Variants in PARP15 observed in about 807,000 individuals in gnomAD.
PARP15 encodes the protein poly(ADP-ribose) polymerase family member 15, also known as protein mono-ADP-ribosyltransferase PARP15.
Under a neutral mutation model 62.1 loss-of-function variants are expected in PARP15, and 50 were observed. The ratio of observed to expected loss-of-function variants is 0.81; its 90% confidence interval spans 0.64 to 1.02. The LOEUF (loss-of-function observed/expected upper bound fraction) is 1.02. Ranked by LOEUF, PARP15 falls within the 50% of genes least tolerant of loss-of-function variation. The pLI is 0.00. For missense variants in PARP15, 820 were observed against 826.5 expected (o/e 0.99, Z 0.10); for synonymous variants, 309 against 293.1 (o/e 1.05, Z -0.55).
At chr3:122,609,034 G>A (rs1935377347) in intron 2 of PARP15, among the ~76,000 whole-genome samples, 1 of 152,106 alleles carries the variant, frequency 6.6e-6, no homozygotes, top group Admixed American at 6.5e-5. Context: ...GATTACAGGA[G>A]TAAACCACTA....
Position 122,626,965 on chromosome 3 carries a change from A to G in PARP15, c.1370A>G (p.Tyr457Cys). ...IFQPELLNIFYDSMKKRDLSA... is the reference protein window; with the variant it reads ...IFQPELLNIFCDSMKKRDLSA... Reference sequence around the variant, plus strand: ...CAACCTGAGCTGCTAAATATATTCTACGACAGCATGAAAAAAAGAGACCTC... The same window carrying G: ...CAACCTGAGCTGCTAAATATATTCTGCGACAGCATGAAAAAAAGAGACCTC... Residue 457 changes from tyrosine (Y) to cysteine (C), a missense_variant, in exon 9 of 12, where the codon TAC becomes TGC. Tyr to Cys is a radical substitution (Grantham distance 194). Transcript: ENST00000464300. 6.2e-7 allele frequency: 1 copy of G among 1,614,014 alleles called. No individual in the cohort carries two copies. The highest frequency in any genetic ancestry group is 8.5e-7 in the Non-Finnish European group (1 of 1,179,986).
chr3:122,634,201 C>T (rs766257688), intron 10 of PARP15, among the ~76,000 whole-genome samples: 1 of 152,194 alleles, frequency 6.6e-6, no homozygotes, highest in Non-Finnish European at 1.5e-5. Flanking sequence ...CTTCCCCAGA[C>T]ACAGGTTATC....
intron 1 of PARP15, among the ~76,000 whole-genome samples, chr3:122,595,469 G>T (rs1462210453): frequency 6.6e-6 from 1 of 152,074 alleles, no homozygotes; most frequent in Non-Finnish European, 1.5e-5. Flanking sequence ...ACAATTGATG[G>T]CTCCTTCCTC....
At chr3:122,610,086 C>T (rs574256488) in intron 2 of PARP15, among the ~76,000 whole-genome samples, 1 of 152,330 alleles carries the variant, frequency 6.6e-6, no homozygotes, top group East Asian at 1.9e-4. Context: ...TTCTTTCTCC[C>T]TTCCCCTGTC....
intron 4 of PARP15, 85 bp downstream of exon 4, chr3:122,613,353 G>C: frequency 8.3e-7 from 1 of 1,205,276 alleles, no homozygotes; most frequent in Non-Finnish European, 1.2e-6. Flanking sequence ...GAATAACCGT[G>C]TTTTCTAATC....
intron 1 of PARP15, among the ~76,000 whole-genome samples, chr3:122,600,148 C>T (rs1934677554): frequency 6.6e-6 from 1 of 152,148 alleles, no homozygotes; most frequent in Non-Finnish European, 1.5e-5. Flanking sequence ...TTCATTTTCA[C>T]TGTCCTTCAT....
chr3:122,615,151 T>C, intron 4 of PARP15: 1 of 1,151,082 alleles, frequency 8.7e-7, no homozygotes, highest in Non-Finnish European at 1.1e-6. Flanking sequence ...CAAGTGAAAC[T>C]TTATAACTCT....
intron 1 of PARP15, among the ~76,000 whole-genome samples, chr3:122,601,937 CT>C (rs145845190): frequency 0.044 from 6,494 of 149,052 alleles, 421 homozygotes; most frequent in African/African-American, 0.15. Flanking sequence ...ATTTGGTGGC[CT>C]TTTTTTTTTC....
At chr3:122,625,255 T>G (rs1205663537) in intron 8 of PARP15, among the ~76,000 whole-genome samples, 2 of 152,128 alleles carry the variant, frequency 1.3e-5, no homozygotes, top group East Asian at 3.9e-4. Flanking sequence ...TTGTTTGTTT[T>G]TTTGTTGTTG....
At chr3:122,615,225 T>C (rs921611927) in intron 4 of PARP15, 6 of 1,277,918 alleles carry the variant, frequency 4.7e-6, no homozygotes, top group Non-Finnish European at 5.1e-6. Context: ...GTTTTTTCCA[T>C]TTCTAAACAA....
At chr3:122,594,921 G>A (rs1559935907) in intron 1 of PARP15, 1 of 932,124 alleles carries the variant, frequency 1.1e-6, no homozygotes, top group South Asian at 4.9e-5. Flanking sequence ...AAGAGAAAGA[G>A]TAACCAATGT....
chr3:122,611,973 CA>C (rs1216295784), intron 3 of PARP15, among the ~76,000 whole-genome samples: 5 of 152,076 alleles, frequency 3.3e-5, no homozygotes, highest in African/African-American at 1.2e-4. Flanking sequence ...TTCATCCTCC[CA>C]AAGTGCTGGG....
intron 8 of PARP15, among the ~76,000 whole-genome samples, chr3:122,624,760 T>C (rs920026079): frequency 1.3e-5 from 2 of 152,358 alleles, no homozygotes; most frequent in East Asian, 3.9e-4. Flanking sequence ...GCGTTAGGAA[T>C]CTAATTTTCA....
intron 1 of PARP15, among the ~76,000 whole-genome samples, chr3:122,603,875 T>G (rs1934984140): frequency 6.6e-6 from 1 of 152,064 alleles, no homozygotes; most frequent in Non-Finnish European, 1.5e-5. Flanking sequence ...CAGAAAAAAA[T>G]TGATATCCTT....
At chr3:122,632,281 T>C in intron 10 of PARP15, 62 bp downstream of exon 10, 1 of 1,476,600 alleles carries the variant, frequency 6.8e-7, no homozygotes, top group Non-Finnish European at 9.3e-7. Flanking sequence ...AAGCTATCTC[T>C]TTTTAAATAA....
At chr3:122,619,442 A>G (rs981354899) in intron 6 of PARP15, among the ~76,000 whole-genome samples, 2 of 152,250 alleles carry the variant, frequency 1.3e-5, no homozygotes, top group African/African-American at 4.8e-5. Context: ...GCTTCTCAGT[A>G]TCAGAACTTT....
intron 8 of PARP15, among the ~76,000 whole-genome samples, chr3:122,625,775 C>G (rs1248654709): frequency 6.6e-6 from 1 of 152,216 alleles, no homozygotes; most frequent in Non-Finnish European, 1.5e-5. Flanking sequence ...ATCAGTTTCT[C>G]TTACTTCAGC....
At chr3:122,606,213 G>A (rs1935150276) in intron 2 of PARP15, among the ~76,000 whole-genome samples, 158 bp downstream of exon 2, 1 of 152,188 alleles carries the variant, frequency 6.6e-6, no homozygotes, top group South Asian at 2.1e-4. Context: ...AGTTTATGCA[G>A]ATATATACTT....
intron 9 of PARP15, among the ~76,000 whole-genome samples, chr3:122,627,410 CT>C (rs1158249277): frequency 6.6e-6 from 1 of 152,176 alleles, no homozygotes; most frequent in Non-Finnish European, 1.5e-5. Context: ...AATCATCCCC[CT>C]ATAGACATGT....
Sources: gnomAD v4.1 joint callset for allele counts (sites outside exome capture counted in the v4.1 genomes callset) on GRCh38, gnomAD v4.1.1 for gene constraint, MANE v1.5 for transcripts, NCBI Gene and HGNC (gene_info 2026-07-23, HGNC 2026-07-21) for gene names.